Variants in CAGE1 observed in about 807,000 individuals in gnomAD.
CAGE1 encodes cancer antigen 1.
Under a neutral mutation model 94.9 loss-of-function variants are expected in CAGE1, and 66 were observed. That is an observed-to-expected ratio of 0.70 (90% confidence interval 0.57 to 0.85). The LOEUF is 0.85. CAGE1 is among the 40% of genes least tolerant of loss of function. The pLI, the probability that CAGE1 is intolerant of heterozygous loss-of-function variation, is 0.00. For synonymous variants in CAGE1, 319 were observed against 321.0 expected, an observed-to-expected ratio of 0.99 and a Z score of 0.07; for missense variants, 865 against 950.4, an observed-to-expected ratio of 0.91 and a Z score of 1.18.
At chr6:7,328,349 T>A (rs947129657) in intron 13 of CAGE1, among the ~76,000 whole-genome samples, 1 of 152,250 alleles carries the variant, frequency 6.6e-6, no homozygotes, top group Admixed American at 6.5e-5. Context: ...TGCTATTACG[T>A]CAAAGGGTAT....
At chr6:7,378,569 A>T (rs751551462) in intron 4 of CAGE1, 48 bp downstream of exon 4, 12 of 1,485,030 alleles carry the variant, frequency 8.1e-6, no homozygotes, top group Non-Finnish European at 1.1e-5. Flanking sequence ...CTAGGTTAGA[A>T]CTATTCTCTT....
At chr6:7,342,155 G>C (rs1459055801) in intron 11 of CAGE1, 1 of 1,016,884 alleles carries the variant, frequency 9.8e-7, no homozygotes, top group Non-Finnish European at 1.6e-6. Context: ...TGGGGAACTG[G>C]ATCAGGCTGC....
chr6:7,349,735 C>A lies in CAGE1; in HGVS notation c.2369+5306G>T, dbSNP rs377467877. On this transcript the variant is annotated intron_variant, in intron 11 of 13. Coordinates refer to ENST00000502583, the MANE Select transcript of CAGE1 (RefSeq NM_001170692.2). Reference sequence around the variant, plus strand: ...ACCACCTAAGGTCAGGAGTTTGAGACCAGCCTGGCCAACATGGTGAAACCC... The same window carrying A: ...ACCACCTAAGGTCAGGAGTTTGAGAACAGCCTGGCCAACATGGTGAAACCC... 3.3e-5 allele frequency among the ~76,000 whole-genome samples: 5 copies of A among 152,104 alleles called. No individual in the cohort carries two copies. In the East Asian group the frequency reaches 5.8e-4, roughly 18 times the overall value.
chr6:7,381,615 A>T (rs1250702600), intron 3 of CAGE1, among the ~76,000 whole-genome samples: 1 of 140,728 alleles, frequency 7.1e-6, no homozygotes, highest in Non-Finnish European at 1.5e-5. Context: ...TGCAACCTCC[A>T]CCTCCTGGGT....
chr6:7,331,328 G>T (rs1239066668), intron 12 of CAGE1: 2 of 1,041,122 alleles, frequency 1.9e-6, no homozygotes, highest in Non-Finnish European at 2.7e-6. Context: ...TCAAACAAAA[G>T]AGACCCGTAA....
intron 9 of CAGE1, among the ~76,000 whole-genome samples, chr6:7,364,580 T>C (rs2113431275): frequency 6.6e-6 from 1 of 152,240 alleles, no homozygotes; most frequent in African/African-American, 2.4e-5. Context: ...GCGATTCTCC[T>C]GCCTCAGCCT....
chr6:7,345,797 C>T (rs1382817876), intron 11 of CAGE1, among the ~76,000 whole-genome samples: 2 of 151,982 alleles, frequency 1.3e-5, no homozygotes, highest in Non-Finnish European at 2.9e-5. Context: ...TCGTGGCAGG[C>T]CCCCATAGTC....
intron 13 of CAGE1, among the ~76,000 whole-genome samples, chr6:7,327,203 A>C (rs9505165): frequency 0.18 from 27,524 of 152,014 alleles, 2,694 homozygotes; most frequent in African/African-American, 0.23. Context: ...TAGACACTCA[A>C]CACCATGCCC....
chr6:7,335,566 T>G (rs9392147), intron 11 of CAGE1, among the ~76,000 whole-genome samples: 8 of 152,150 alleles, frequency 5.3e-5, no homozygotes, highest in African/African-American at 9.7e-5. Context: ...CAGATCTTCT[T>G]GTTTTATTTA....
Position 7,329,857 on chromosome 6 carries a change from T to C in CAGE1, c.2470A>G (p.Met824Val), listed in dbSNP as rs754606336. 4 of 1,458,486 alleles carry C rather than the reference T, an allele frequency of 2.7e-6. No homozygotes were observed. The highest frequency in any genetic ancestry group is 2.8e-5 in the African/African-American group (2 of 72,058). 90.3% of individuals were successfully genotyped at this position (1,458,486 alleles called of 1,614,324 possible). The stretch of plus-strand genomic sequence containing the variant: ...TCATCAAGGTGACCTACCATGGTCA[T>C]GGACTTCGGATGATTTTCTAAGCTT... ...SKSLENHPKS[M>V]TMMPALFKEN... Residue 824 changes from methionine (M) to valine (V), a missense_variant, in exon 13 of 14, where the codon ATG (methionine) becomes GTG (valine). Coordinates refer to ENST00000502583, the MANE Select transcript of CAGE1 (RefSeq NM_001170692.2).
chr6:7,328,921 T>TAC (rs1758633843), intron 13 of CAGE1, among the ~76,000 whole-genome samples: 1 of 44,582 alleles, frequency 2.2e-5, no homozygotes, highest in East Asian at 1.1e-3. Flanking sequence ...TGTGTGTGTA[T>TAC]ATATATATAT....
chr6:7,375,227 G>A (rs945232167), intron 4 of CAGE1, among the ~76,000 whole-genome samples: 6 of 151,822 alleles, frequency 4.0e-5, no homozygotes, highest in Non-Finnish European at 8.8e-5. Context: ...TGGCCAACAT[G>A]GTGAAACCCC....
rs1759077656 is a variant in CAGE1 at position 7,339,199 on chromosome 6, G to A, written c.2370-5109C>T. On this transcript the variant is annotated intron_variant, in intron 11 of 13. Coordinates refer to ENST00000502583, the MANE Select transcript of CAGE1 (RefSeq NM_001170692.2). The surrounding 1 kb of genome is among the most constrained non-coding windows in gnomAD (Gnocchi z 4.7). ...TTGGCCCCAGTTTCCATGATGAACC[G>A]CGACACACCATAGCAGGCCCTCCGC... The A allele has an allele frequency of 5.3e-6, 8 of 1,522,808 alleles. No individual in the cohort carries two copies. The highest frequency in any genetic ancestry group is 5.0e-5 in the Admixed American group (3 of 59,912). 94.3% of individuals were successfully genotyped at this position (1,522,808 alleles called of 1,614,324 possible).
chr6:7,344,023 T>C (rs1345543727), intron 11 of CAGE1, among the ~76,000 whole-genome samples: 2 of 152,256 alleles, frequency 1.3e-5, no homozygotes, highest in African/African-American at 4.8e-5. Flanking sequence ...TGGACTTAAG[T>C]GTTAGAAAGT....
chr6:7,330,724 G>A (rs547651637), intron 12 of CAGE1, among the ~76,000 whole-genome samples: 1 of 152,330 alleles, frequency 6.6e-6, no homozygotes, highest in African/African-American at 2.4e-5. Flanking sequence ...GTGGCTGAAA[G>A]CTGATGTAGG....
intron 2 of CAGE1, among the ~76,000 whole-genome samples, chr6:7,386,230 T>C (rs1761116648): frequency 3.9e-5 from 6 of 152,218 alleles, no homozygotes; most frequent in Admixed American, 3.9e-4. Context: ...TATTTCAGTC[T>C]TTTAACACTG....
intron 11 of CAGE1, among the ~76,000 whole-genome samples, chr6:7,345,633 C>T (rs984437977): frequency 5.3e-5 from 8 of 152,088 alleles, no homozygotes; most frequent in Non-Finnish European, 8.8e-5. Context: ...GGCCTGTGAA[C>T]GGAAAAATTA....
rs11356002 is a variant in CAGE1 at position 7,369,008 on chromosome 6, TA to T, written c.1894-211del. Among the ~76,000 whole-genome samples the T allele has an allele frequency of 9.7e-3, 1,339 of 138,620 alleles. 21 individuals are homozygous for T. Among genetic ancestry groups the T allele is most frequent in the African/African-American group, 0.033 (1,250 of 38,342 alleles). The allele number at this position is 138,620 out of a possible 152,430, so 90.9% of individuals were successfully genotyped here. On this transcript the variant is annotated intron_variant, in intron 6 of 13. Transcript: ENST00000502583. ...CAGAAAGATTTCATTTTTTTTATTTTAATTTTTTTTTTTTTTTTGAGATAGA... is the reference window on the plus strand; with the variant it reads ...CAGAAAGATTTCATTTTTTTTATTTTATTTTTTTTTTTTTTTTGAGATAGA...
At chr6:7,360,600 TGA>T (rs1760132698) in intron 9 of CAGE1, among the ~76,000 whole-genome samples, 1 of 152,148 alleles carries the variant, frequency 6.6e-6, no homozygotes, top group Admixed American at 6.5e-5. Flanking sequence ...ATTGGCTGAT[TGA>T]GTTTCCAATT....
Sources: allele counts gnomAD v4.1 joint callset (sites outside exome capture counted in the v4.1 genomes callset), GRCh38; gene constraint gnomAD v4.1.1; non-coding constraint Gnocchi (gnomAD v3.1); transcripts MANE v1.5; gene names NCBI Gene and HGNC (gene_info 2026-07-23, HGNC 2026-07-21).